The following RHOBTB2 variants were observed in gnomAD, a reference collection of about 807,000 sequenced individuals.
RHOBTB2 encodes Rho related BTB domain containing 2.
A neutral mutation model predicts 66.5 loss-of-function variants in RHOBTB2; 39 were observed. That is an observed-to-expected ratio of 0.59 (90% CI 0.45 to 0.77). The LOEUF is 0.77. RHOBTB2 is among the 30% of genes least tolerant of loss of function. The probability of loss-of-function intolerance (pLI) is 0.00; values close to 1 mark genes in which losing one functional copy is unlikely to be tolerated. For synonymous variants in RHOBTB2, 390 were observed against 395.0 expected, an observed-to-expected ratio of 0.99 and a Z score of 0.15; for missense variants, 755 against 999.1, an observed-to-expected ratio of 0.76 and a Z score of 3.29.
the RHOBTB2 span, among the ~76,000 whole-genome samples, chr8:22,971,482 C>T: frequency 3.3e-5 from 5 of 151,982 alleles, no homozygotes; most frequent in African/African-American, 1.2e-4. Context: ...GGCCCTATCT[C>T]TCTCCTTTCC....
At position 23,020,096 on chromosome 8, in the gene RHOBTB2, G is replaced by C; in HGVS notation, c.*2627G>C. The C allele has an allele frequency of 2.7e-6, 1 of 370,506 alleles. No homozygotes were observed. The highest frequency in any genetic ancestry group is 5.3e-6 in the Non-Finnish European group (1 of 187,908). The allele number at this position is 370,506 out of a possible 1,614,324, so 23.0% of individuals were successfully genotyped here. A position where few individuals can be genotyped will look rare whatever the true frequency, so the allele number is the denominator to read the frequency against. ...CACTCAGAGCTGATTCACAGGAGGAGGGGAGGTTGGGGGGCGGGAGACAAA... is the reference window on the plus strand; with the variant it reads ...CACTCAGAGCTGATTCACAGGAGGACGGGAGGTTGGGGGGCGGGAGACAAA... On this transcript the variant is annotated 3_prime_UTR_variant, in exon 10 of 10. Transcript: ENST00000251822.
At chr8:22,957,555 A>C in the RHOBTB2 span, among the ~76,000 whole-genome samples, 2 of 152,174 alleles carry the variant, frequency 1.3e-5, no homozygotes, top group African/African-American at 4.8e-5. Flanking sequence ...CTGGGGCAGC[A>C]TGTGTGTTCC....
upstream of RHOBTB2, among the ~76,000 whole-genome samples, chr8:22,983,746 T>C (rs545353720): frequency 3.3e-5 from 5 of 152,236 alleles, no homozygotes; most frequent in South Asian, 1.0e-3. Context: ...AACGTGTTTT[T>C]TTTTTTGAGA....
At position 23,017,513 on chromosome 8, in the gene RHOBTB2, C is replaced by G; in HGVS notation, c.*44C>G. On this transcript the variant is annotated 3_prime_UTR_variant, in exon 10 of 10. Transcript: ENST00000251822. The surrounding 1 kb of genome is among the most constrained non-coding windows in gnomAD (Gnocchi z 5.3). ...TGACCCTGCTGCTGTTGTCCCCATC[C>G]GCCTTCACCCCTCTGCTCTTCCGCA... 1 of 1,551,190 alleles carries G rather than the reference C, an allele frequency of 6.4e-7. No homozygotes were observed. Among genetic ancestry groups the G allele is most frequent in the Non-Finnish European group, 8.7e-7 (1 of 1,147,220 alleles).
chr8:22,995,873 T>C, upstream of RHOBTB2: 1 of 1,551,572 alleles, frequency 6.4e-7, no homozygotes, highest in Non-Finnish European at 8.7e-7. Context: ...AGGGGTGCCA[T>C]GAAAGCGCGG....
chr8:23,006,107 C>T lies in RHOBTB2; in HGVS notation c.444C>T (p.Asp148=), dbSNP rs1810941958. Residue 148 remains aspartate (D), a synonymous_variant, in exon 4 of 10, where the codon GAC becomes GAT. Transcript: ENST00000251822. The surrounding 1 kb of genome is among the most constrained non-coding windows in gnomAD (Gnocchi z 6.1). The part of the protein sequence containing the change: ...VGCQLDLRYA[D]LEAVNRARRP... ...GCCAGTTGGACCTGCGCTACGCTGA[C>T]CTGGAGGCTGTCAACAGGGCTAGGC... 6.2e-7 allele frequency: 1 copy of T among 1,614,026 alleles called. No homozygotes were observed. Among genetic ancestry groups the T allele is most frequent in the South Asian group, 1.1e-5 (1 of 91,068 alleles).
At chr8:23,005,936 G>T (rs200622726) in intron 3 of RHOBTB2, 24 bp from the exon 4 acceptor site, 1 of 1,599,754 alleles carries the variant, frequency 6.3e-7, no homozygotes, top group Non-Finnish European at 8.6e-7. Flanking sequence ...TTCTCTGCCC[G>T]TAACCTTACT....
chr8:22,997,809 G>C (rs1166934673), upstream of RHOBTB2, among the ~76,000 whole-genome samples: 2 of 152,156 alleles, frequency 1.3e-5, no homozygotes, highest in East Asian at 1.9e-4. Context: ...GAGAGACCCT[G>C]GCCTGCCGTG....
the RHOBTB2 span, among the ~76,000 whole-genome samples, chr8:22,977,571 CAAAA>C: frequency 7.3e-6 from 1 of 136,588 alleles, no homozygotes. Context: ...GACCCTTTCT[CAAAA>C]AAAAAAAAAA....
chr8:22,977,213 G>A, the RHOBTB2 span, among the ~76,000 whole-genome samples: 1 of 152,156 alleles, frequency 6.6e-6, no homozygotes, highest in Admixed American at 6.5e-5. Context: ...CTGCACAAAG[G>A]TAGGAGCAAT....
In RHOBTB2 at chr8:23,014,752, G is replaced by A. The variant is rs1158005108; in HGVS notation, c.1834G>A (p.Val612Ile). ...GATGATGGTGGACATCGATGGGGAC[G>A]TCCTTGTGTTCCTGGAACTGGCTCA... ...TQMMVDIDGDVLVFLELAQFH... is the reference protein window; with the variant it reads ...TQMMVDIDGDILVFLELAQFH... The change falls in exon 8 of 10, where the codon GTC (valine) becomes ATC (isoleucine). Residue 612 changes from valine (V) to isoleucine (I), a missense_variant. Val to Ile is a conservative substitution (Grantham distance 29). Transcript: ENST00000251822. 4.3e-6 allele frequency: 7 copies of A among 1,613,984 alleles called. No homozygotes were observed. The highest frequency in any genetic ancestry group is 2.2e-5 in the East Asian group (1 of 44,900).
intron 9 of RHOBTB2, among the ~76,000 whole-genome samples, chr8:23,016,676 T>G (rs1471728814): frequency 1.3e-5 from 2 of 152,124 alleles, no homozygotes; most frequent in South Asian, 4.1e-4. Flanking sequence ...CCTCCCAAAG[T>G]GCTAGGATTA....
Position 23,010,600 on chromosome 8 carries a change from C to T in RHOBTB2, c.1683C>T (p.Gly561=), listed in dbSNP as rs1811114931. The change falls in exon 7 of 10, where the codon GGC becomes GGT. Residue 561 remains glycine, a synonymous_variant. Transcript: ENST00000251822. ...CCGTGCTGGAATACCTCTACACCGG[C>T]ATGTTCACCTCCAGCCCCGACCTGG... ...MRAVLEYLYT[G]MFTSSPDLDD... The T allele has an allele frequency of 1.2e-6, 2 of 1,614,090 alleles. No individual in the cohort carries two copies.
rs367715714 is a variant in RHOBTB2 at position 23,005,410 on chromosome 8, C to T, written c.231C>T (p.Ser77=). ...CCCGAGACGTGGTAGATGATGTCAG[C>T]GTCTCTCTGCGCCTCTGGGACACCT... ...ERSRDVVDDV[S]VSLRLWDTFG... Residue 77 remains serine (S), a synonymous_variant, in exon 3 of 10, where the codon AGC becomes AGT. Transcript: ENST00000251822. 15 of 1,613,834 alleles carry T rather than the reference C, an allele frequency of 9.3e-6. No homozygotes were observed. In the African/African-American group the frequency reaches 9.3e-5, roughly 10 times the overall value.
the RHOBTB2 span, among the ~76,000 whole-genome samples, chr8:22,951,822 G>C: frequency 6.6e-6 from 1 of 152,142 alleles, no homozygotes; most frequent in African/African-American, 2.4e-5. Context: ...TGATGTCTTA[G>C]CTTGGGCTCA....
chr8:22,997,211 G>A (rs1810596055), upstream of RHOBTB2, among the ~76,000 whole-genome samples: 1 of 152,086 alleles, frequency 6.6e-6, no homozygotes, highest in African/African-American at 2.4e-5. Context: ...GGGCTGCAGA[G>A]GATGGGCTGG....
chr8:22,988,287 G>A (rs980655118), intron 1 of RHOBTB2, among the ~76,000 whole-genome samples: 1 of 151,184 alleles, frequency 6.6e-6, no homozygotes, highest in Non-Finnish European at 1.5e-5. Context: ...AGCCTCCCAT[G>A]TAGCTGGGAT....
At chr8:22,993,245 G>A (rs750657830) in intron 2 of RHOBTB2, among the ~76,000 whole-genome samples, 5 of 152,010 alleles carry the variant, frequency 3.3e-5, no homozygotes, top group Admixed American at 1.3e-4. Context: ...CTGCAGCCTC[G>A]AACTCCTGGG....
At chr8:22,973,873 C>CCGG in the RHOBTB2 span, among the ~76,000 whole-genome samples, 1 of 152,174 alleles carries the variant, frequency 6.6e-6, no homozygotes, top group Non-Finnish European at 1.5e-5. Context: ...GCCTGCCCCA[C>CCGG]CGGCATCTTC....
Sources: gnomAD v4.1 joint callset for allele counts (sites outside exome capture counted in the v4.1 genomes callset) on GRCh38, gnomAD v4.1.1 for gene constraint, Gnocchi (gnomAD v3.1) non-coding constraint, MANE v1.5 for transcripts, NCBI Gene and HGNC (gene_info 2026-07-23, HGNC 2026-07-21) for gene names.